KIAA1217: variants seen among roughly 807,000 people sequenced by gnomAD.
KIAA1217 encodes the protein sickle tail protein homolog.
Under a neutral mutation model 163.9 loss-of-function variants are expected in KIAA1217, and 88 were observed. The observed-to-expected ratio is 0.54, with a 90% CI of 0.45 to 0.64. The LOEUF is 0.64. Among genes scored for constraint, KIAA1217 ranks in the 30% least tolerant of loss-of-function variants. KIAA1217 has a pLI of 0.00. For synonymous variants in KIAA1217, 903 were observed against 923.1 expected, an observed-to-expected ratio of 0.98 and a Z score of 0.39; for missense variants, 2,372 against 2,475.0, an observed-to-expected ratio of 0.96 and a Z score of 0.88.
intron 5 of KIAA1217, among the ~76,000 whole-genome samples, chr10:24,469,967 C>T (rs1262134861): frequency 6.6e-6 from 1 of 152,144 alleles, no homozygotes; most frequent in African/African-American, 2.4e-5. Flanking sequence ...GACAACAGTA[C>T]CTACCATTTG....
chr10:24,544,073 A>G lies in KIAA1217; in HGVS notation c.4803A>G (p.Gln1601=). Residue 1601 remains glutamine, a synonymous_variant, in exon 19 of 21, where the codon CAA becomes CAG. Coordinates refer to ENST00000376454, the MANE Select transcript of KIAA1217 (RefSeq NM_019590.5). ...CTAAAACAGGGAAGAAGACTTTGCAAGTGGTAGTCTATGAAGAAGAGGAAG... is the reference window on the plus strand; with the variant it reads ...CTAAAACAGGGAAGAAGACTTTGCAGGTGGTAGTCTATGAAGAAGAGGAAG... ...TGTKTGKKTL[Q]VVVYEEEEED... 1.2e-6 allele frequency: 2 copies of G among 1,614,172 alleles called. No homozygotes were observed. Among genetic ancestry groups the G allele is most frequent in the Non-Finnish European group, 1.7e-6 (2 of 1,180,028 alleles).
chr10:23,770,629 G>T (rs1263362316), intron 1 of KIAA1217, among the ~76,000 whole-genome samples: 1 of 152,182 alleles, frequency 6.6e-6, no homozygotes, highest in Non-Finnish European at 1.5e-5. Context: ...GTGTCCAGTG[G>T]TTTTTCTGAG....
At chr10:24,440,104 C>G (rs1245104941) in intron 5 of KIAA1217, among the ~76,000 whole-genome samples, 1 of 152,190 alleles carries the variant, frequency 6.6e-6, no homozygotes, top group African/African-American at 2.4e-5. Flanking sequence ...AAAGGCCTCT[C>G]ACGTACTCAA....
intron 1 of KIAA1217, among the ~76,000 whole-genome samples, chr10:23,796,794 G>T (rs1240628858): frequency 1.3e-5 from 2 of 152,054 alleles, no homozygotes; most frequent in Non-Finnish European, 2.9e-5. Flanking sequence ...CATCACTGAA[G>T]GAACAGAATA....
At position 24,282,044 on chromosome 10, in the gene KIAA1217, G is replaced by C. The variant is rs775412556; in HGVS notation, c.354+62135G>C. ...TGCACTCCAGCCTGGGTGACAGAGC[G>C]AGACTCCATCTCAACAACAACAAAA... On this transcript the variant is annotated intron_variant, in intron 2 of 20. Transcript: ENST00000376454. Among the ~76,000 whole-genome samples, 6 of 151,856 alleles carry C rather than the reference G, an allele frequency of 4.0e-5. No individual in the cohort carries two copies. In the South Asian group the frequency reaches 1.0e-3, roughly 26 times the overall value.
At chr10:23,924,526 G>A (rs1254369593) in intron 1 of KIAA1217, among the ~76,000 whole-genome samples, 1 of 152,144 alleles carries the variant, frequency 6.6e-6, no homozygotes, top group Non-Finnish European at 1.5e-5. Context: ...TATTTTAGAA[G>A]TAGTGACCTT....
intron 1 of KIAA1217, among the ~76,000 whole-genome samples, chr10:23,938,343 A>T (rs1248941094): frequency 6.6e-6 from 1 of 152,188 alleles, no homozygotes; most frequent in Non-Finnish European, 1.5e-5. Flanking sequence ...CTAATCTTAA[A>T]TGCAAGCCTT....
intron 2 of KIAA1217, among the ~76,000 whole-genome samples, chr10:24,246,801 G>A (rs2073851733): frequency 1.3e-5 from 2 of 152,082 alleles, no homozygotes; most frequent in African/African-American, 4.8e-5. Flanking sequence ...ATCAGTTGAG[G>A]CCAGGAGTTT....
At chr10:24,495,631 G>T (rs917733265) in intron 8 of KIAA1217, among the ~76,000 whole-genome samples, 3 of 152,276 alleles carry the variant, frequency 2.0e-5, no homozygotes, top group Non-Finnish European at 2.9e-5. Context: ...AAGATGAAGA[G>T]GACTTAGGGG....
chr10:24,000,426 G>C (rs1278731853), intron 1 of KIAA1217, among the ~76,000 whole-genome samples: 1 of 152,152 alleles, frequency 6.6e-6, no homozygotes, highest in East Asian at 1.9e-4. Context: ...AGAAGGACAG[G>C]TTTGCTTCGC....
At chr10:23,913,629 T>C (rs1564528282) in intron 1 of KIAA1217, among the ~76,000 whole-genome samples, 1 of 152,088 alleles carries the variant, frequency 6.6e-6, no homozygotes, top group Non-Finnish European at 1.5e-5. Context: ...TCCTGGGTTG[T>C]TGGGGCACCA....
intron 3 of KIAA1217, among the ~76,000 whole-genome samples, chr10:24,404,710 G>C (rs1030062242): frequency 6.6e-6 from 1 of 151,628 alleles, no homozygotes; most frequent in African/African-American, 2.4e-5. Context: ...AGCTTTGTTT[G>C]TAAGAGCCAA....
At chr10:24,236,407 C>T (rs958847973) in intron 2 of KIAA1217, among the ~76,000 whole-genome samples, 1 of 152,168 alleles carries the variant, frequency 6.6e-6, no homozygotes, top group Non-Finnish European at 1.5e-5. Flanking sequence ...TGTGCCACCA[C>T]ACTCAGCTAA....
At chr10:23,821,136 T>TGA (rs1554803076) in intron 1 of KIAA1217, among the ~76,000 whole-genome samples, 122 of 149,038 alleles carry the variant, frequency 8.2e-4, no homozygotes, top group African/African-American at 2.9e-3. Flanking sequence ...TGTGTGTGTG[T>TGA]GATACTAAGT....
intron 2 of KIAA1217, among the ~76,000 whole-genome samples, chr10:24,122,151 C>T (rs1055658714): frequency 5.9e-5 from 9 of 152,002 alleles, no homozygotes; most frequent in Non-Finnish European, 1.3e-4. Context: ...CAGCCCTTCC[C>T]CCCACCCTTT....
intron 1 of KIAA1217, among the ~76,000 whole-genome samples, chr10:23,957,280 T>C (rs1029222649): frequency 6.6e-6 from 1 of 152,164 alleles, no homozygotes; most frequent in African/African-American, 2.4e-5. Flanking sequence ...TTGCTGTCAG[T>C]CGTTTCCTCC....
chr10:24,033,621 G>C (rs1848278247), intron 2 of KIAA1217, among the ~76,000 whole-genome samples: 2 of 152,156 alleles, frequency 1.3e-5, no homozygotes, highest in African/African-American at 4.8e-5. Context: ...ATCTAGGTTT[G>C]GAACCAGAAC....
intron 9 of KIAA1217, among the ~76,000 whole-genome samples, chr10:24,502,969 G>A (rs2366917): frequency 0.1 from 15,467 of 152,136 alleles, 1,258 homozygotes; most frequent in African/African-American, 0.23. Context: ...CTGGGCAATA[G>A]ACCAAGACTA....
intron 1 of KIAA1217, among the ~76,000 whole-genome samples, chr10:23,757,440 G>A (rs1833979968): frequency 1.3e-5 from 2 of 152,126 alleles, no homozygotes; most frequent in African/African-American, 2.4e-5. Flanking sequence ...CCTTATGGGT[G>A]TGAGGGGGTG....
Sources: gnomAD v4.1 joint callset for allele counts (sites outside exome capture counted in the v4.1 genomes callset) on GRCh38, gnomAD v4.1.1 for gene constraint, MANE v1.5 for transcripts, NCBI Gene and HGNC (gene_info 2026-07-23, HGNC 2026-07-21) for gene names.